Variants in PKHD1L1 observed in about 807,000 individuals in gnomAD.
PKHD1L1 encodes the protein PKHD1 like 1.
A neutral mutation model predicts 462.9 loss-of-function variants in PKHD1L1; 434 were observed. The ratio of observed to expected loss-of-function variants is 0.94; its 90% CI spans 0.87 to 1.02. The LOEUF (loss-of-function observed/expected upper bound fraction) is 1.02. PKHD1L1 is among the 50% of genes least tolerant of loss of function. PKHD1L1 has a pLI of 0.00. For missense variants in PKHD1L1, 5,202 were observed against 5,096.1 expected, an observed-to-expected ratio of 1.02 and a Z score of -0.63; for synonymous variants, 1,781 against 1,750.0, an observed-to-expected ratio of 1.02 and a Z score of -0.44.
chr8:109,365,508 TA>T (rs1811185066), intron 2 of PKHD1L1, among the ~76,000 whole-genome samples: 1 of 152,198 alleles, frequency 6.6e-6, no homozygotes, highest in African/African-American at 2.4e-5. Context: ...ATTAAAGTGT[TA>T]TTTTTTAGAG....
rs918744226 is a variant in PKHD1L1 at position 109,511,221 on chromosome 8, T to A, written c.11553+287T>A. On this transcript the variant is annotated intron_variant, in intron 71 of 77. Transcript: ENST00000378402. Reference sequence around the variant, plus strand: ...ATTTTTTTATTATTATACTTTAAGTTTTAGGGTACATGTGCACAATGTGTA... The same window carrying A: ...ATTTTTTTATTATTATACTTTAAGTATTAGGGTACATGTGCACAATGTGTA... 2.6e-5 allele frequency among the ~76,000 whole-genome samples: 4 copies of A among 152,210 alleles called. No homozygotes were observed. The East Asian group carries it at 7.7e-4, about 29-fold the overall frequency.
At chr8:109,372,697 G>A (rs1372451420) in intron 2 of PKHD1L1, among the ~76,000 whole-genome samples, 1 of 152,140 alleles carries the variant, frequency 6.6e-6, no homozygotes, top group Non-Finnish European at 1.5e-5. Context: ...CTAATTTATT[G>A]AGAGTTTTTA....
chr8:109,434,171 C>G (rs562677461), intron 28 of PKHD1L1, among the ~76,000 whole-genome samples: 57 of 152,092 alleles, frequency 3.7e-4, no homozygotes, highest in Non-Finnish European at 6.6e-4. Flanking sequence ...ATGGGTGCAG[C>G]AAACCACGAT....
intron 42 of PKHD1L1, 61 bp downstream of exon 42, chr8:109,452,341 G>A (rs1158814847): frequency 2.9e-6 from 4 of 1,367,572 alleles, no homozygotes; most frequent in African/African-American, 1.5e-5. Flanking sequence ...TGGGAGGTGG[G>A]CTAATTGGTA....
chr8:109,382,398 A>G, intron 3 of PKHD1L1, 65 bp from the exon 4 acceptor site: 1 of 1,349,048 alleles, frequency 7.4e-7, no homozygotes, highest in South Asian at 1.5e-5. Flanking sequence ...AGTATTTTTC[A>G]TTAATACTAT....
In PKHD1L1 at chr8:109,518,202, G is replaced by A. The variant is rs1268462087; in HGVS notation, c.11725G>A (p.Gly3909Ser). ...FLPNLDSTVL[G>S]ENYFDGTYQM... is the part of the protein sequence containing the mutation. ...TCCTAACCTGGATTCCACTGTCCTT[G>A]GTGAAAACTACTTTGATGGAACCTA... Residue 3909 changes from glycine (G) to serine (S), a missense_variant, in exon 73 of 78, where the codon GGT (glycine) becomes AGT (serine). Gly to Ser is a moderately conservative substitution (Grantham distance 56). Around this residue, in one of 3 missense-constraint regions of PKHD1L1, gnomAD observed 698 missense variants for 736.3 expected, o/e 0.95. Coordinates refer to ENST00000378402, the MANE Select transcript of PKHD1L1 (RefSeq NM_177531.6). The A allele has an allele frequency of 3.1e-6, 5 of 1,607,126 alleles. No homozygotes were observed. In the Admixed American group the frequency reaches 5.0e-5, roughly 16 times the overall value.
rs199590450 is a variant in PKHD1L1 at position 109,493,637 on chromosome 8, A to AT, written c.10237-15dup. 12,558 of 1,390,210 alleles carry AT rather than the reference A, an allele frequency of 9.0e-3. 36 individuals carry two copies. Among genetic ancestry groups the AT allele is most frequent in the Non-Finnish European group, 0.01 (10,161 of 1,006,004 alleles). The allele number at this position is 1,390,210 out of a possible 1,614,324, so 86.1% of individuals were successfully genotyped here. A position where few individuals can be genotyped will look rare whatever the true frequency, so the allele number is the denominator to read the frequency against. ...AATGTTTACTAGCCTGATGCACAGTATTTTTTTTTAATCATTGCACTAGAT... is the reference window on the plus strand; with the variant it reads ...AATGTTTACTAGCCTGATGCACAGTATTTTTTTTTTAATCATTGCACTAGAT... On this transcript the variant is annotated intron_variant, in intron 62 of 77. Transcript: ENST00000378402.
At position 109,464,618 on chromosome 8, in the gene PKHD1L1, T is replaced by C. The variant is rs760441997; in HGVS notation, c.7786T>C (p.Ser2596Pro). The change falls in exon 49 of 78, where the codon TCC becomes CCC. Residue 2596 changes from serine to proline, a missense_variant. Physicochemically the swap from Ser to Pro is moderately conservative, Grantham distance 74. Transcript: ENST00000378402. ...YRMNNHPDGP[S>P]YDRNICQKRV... is the part of the protein sequence containing the mutation. ...GATGAACAACCACCCTGATGGGCCA[T>C]CCTATGACAGAAACATTTGTCAAAA... 28 of 1,612,418 alleles carry C rather than the reference T, an allele frequency of 1.7e-5. No individual in the cohort carries two copies. Among genetic ancestry groups the C allele is most frequent in the Admixed American group, 3.3e-5 (2 of 59,946 alleles).
At position 109,445,311 on chromosome 8, in the gene PKHD1L1, TGTG is replaced by T; in HGVS notation, c.5447_5449del (p.Val1816del). 1 of 1,613,964 alleles carries T rather than the reference TGTG, an allele frequency of 6.2e-7. No individual in the cohort carries two copies. The highest frequency in any genetic ancestry group is 8.5e-7 in the Non-Finnish European group (1 of 1,179,872). On this transcript the variant is annotated inframe_deletion, in exon 38 of 78. Transcript: ENST00000378402. ...CAGTTGGACATCATTCTGTTAGTGT[TGTG>T]GTGGGAAGTAAAGGCTTGGCTCTGG...
chr8:109,496,990 C>G lies in PKHD1L1; in HGVS notation c.10399C>G (p.Gln3467Glu). ...HGGLYGIYMN[Q>E]DGLPGCSLIQ... is the part of the protein sequence containing the mutation. ...AGGTTTATATGGGATCTATATGAAC[C>G]AAGATGGCCTTCCTGGATGTTCTCT... is the stretch of plus-strand genomic sequence containing the variant. Residue 3467 changes from glutamine to glutamate, a missense_variant, in exon 64 of 78, where the codon CAA becomes GAA. This residue lies in a region of PKHD1L1 where 4,497 missense variants were observed against 4,336.8 expected (regional missense o/e 1.04). Transcript: ENST00000378402. 3 of 1,613,308 alleles carry G rather than the reference C, an allele frequency of 1.9e-6. No individual in the cohort carries two copies. The highest frequency in any genetic ancestry group is 2.2e-5 in the East Asian group (1 of 44,850).
At chr8:109,466,060 A>C (rs911132382) in intron 49 of PKHD1L1, among the ~76,000 whole-genome samples, 1 of 152,220 alleles carries the variant, frequency 6.6e-6, no homozygotes, top group Non-Finnish European at 1.5e-5. Context: ...AAGAAGATTC[A>C]TCTCAAAATT....
chr8:109,424,133 C>T (rs1208951904), intron 23 of PKHD1L1, among the ~76,000 whole-genome samples: 2 of 152,088 alleles, frequency 1.3e-5, no homozygotes, highest in African/African-American at 4.8e-5. Context: ...CACTCCTCAC[C>T]CCAATAACCA....
At chr8:109,430,725 A>C (rs1383656082) in intron 27 of PKHD1L1, among the ~76,000 whole-genome samples, 3 of 152,160 alleles carry the variant, frequency 2.0e-5, no homozygotes, top group Non-Finnish European at 4.4e-5. Flanking sequence ...TAGTAGGAAA[A>C]TTCGCCAACT....
chr8:109,424,378 C>T (rs1563526557), intron 23 of PKHD1L1, among the ~76,000 whole-genome samples: 3 of 152,216 alleles, frequency 2.0e-5, no homozygotes, highest in Admixed American at 6.5e-5. Flanking sequence ...CAGGTTGAGG[C>T]TATTATGAAT....
intron 23 of PKHD1L1, among the ~76,000 whole-genome samples, chr8:109,422,197 C>T (rs541483743): frequency 1.3e-5 from 2 of 151,416 alleles, no homozygotes; most frequent in Admixed American, 6.6e-5. Context: ...AATCCACTGA[C>T]CTTATTCAGA....
At chr8:109,391,624 T>A (rs1431971886) in intron 9 of PKHD1L1, among the ~76,000 whole-genome samples, 1 of 152,204 alleles carries the variant, frequency 6.6e-6, no homozygotes, top group African/African-American at 2.4e-5. Context: ...AATTGCATTA[T>A]TTAACACTCA....
chr8:109,454,239 T>C lies in PKHD1L1; in HGVS notation c.6737T>C (p.Val2246Ala). 1 of 1,599,786 alleles carries C rather than the reference T, an allele frequency of 6.3e-7. No individual in the cohort carries two copies. The highest frequency in any genetic ancestry group is 8.5e-7 in the Non-Finnish European group (1 of 1,172,610). ...AATATTCTAATTACAGATGGAGGTG[T>C]TCTTCAGGTATTCAAAAGAACATAA... ...AENILITDGG[V>A]LQIGTETSPF... The change falls in exon 44 of 78, where the codon GTT becomes GCT. Residue 2246 changes from valine (V) to alanine (A), a missense_variant. Physicochemically the swap from Val to Ala is moderately conservative, Grantham distance 64. Around this residue, in one of 3 missense-constraint regions of PKHD1L1, gnomAD observed 4,497 missense variants for 4,336.8 expected, o/e 1.04. Coordinates refer to ENST00000378402, the MANE Select transcript of PKHD1L1 (RefSeq NM_177531.6).
Position 109,532,854 on chromosome 8 carries a change from G to A in PKHD1L1, c.*2764G>A, listed in dbSNP as rs544206456. On this transcript the variant is annotated 3_prime_UTR_variant, in exon 78 of 78. Coordinates refer to ENST00000378402, the MANE Select transcript of PKHD1L1 (RefSeq NM_177531.6). ...AAAAGTGCTATTTAAAATATCCCTA[G>A]CACTAATAATAACAATAATCAATAA... Among the ~76,000 whole-genome samples the A allele has an allele frequency of 3.3e-5, 5 of 152,090 alleles. No individual in the cohort carries two copies. Among genetic ancestry groups the A allele is most frequent in the African/African-American group, 4.8e-5 (2 of 41,490 alleles).
chr8:109,492,357 G>A (rs920457101), intron 62 of PKHD1L1, among the ~76,000 whole-genome samples: 1 of 151,672 alleles, frequency 6.6e-6, no homozygotes, highest in African/African-American at 2.4e-5. Flanking sequence ...TACAGGCAAG[G>A]TTATTATACT....
Sources: allele counts gnomAD v4.1 joint callset (sites outside exome capture counted in the v4.1 genomes callset), GRCh38; gene constraint gnomAD v4.1.1; regional missense constraint gnomAD v4.1.1; transcripts MANE v1.5; gene names NCBI Gene and HGNC (gene_info 2026-07-23, HGNC 2026-07-21).